DMD: variants seen among roughly 807,000 people sequenced by gnomAD.
DMD encodes mutant dystrophin.
DMD carries 63 observed loss-of-function variants against 330.1 expected under a neutral mutation model. The observed-to-expected ratio is 0.19, with a 90% CI of 0.16 to 0.24. The LOEUF is 0.24. Ranked by LOEUF, DMD falls within the 10% of genes least tolerant of loss-of-function variation. The pLI, the probability that DMD is intolerant of heterozygous loss-of-function variation, is 1.00. For synonymous variants in DMD, 1,223 were observed against 959.8 expected (o/e 1.27, Z -5.07); for missense variants, 3,344 against 2,684.1 (o/e 1.25, Z -5.43).
intron 51 of DMD, among the ~76,000 whole-genome samples, chrX:31,763,387 C>G (rs1454946730): frequency 9.0e-6 from 1 of 111,396 alleles, no homozygotes; most frequent in Non-Finnish European, 1.9e-5. Context: ...CATAGTGAAA[C>G]CCCATCTCTA....
At chrX:33,067,025 G>A (rs998169864) in intron 1 of DMD, among the ~76,000 whole-genome samples, 3 of 111,923 alleles carry the variant, frequency 2.7e-5, no homozygotes, top group African/African-American at 6.5e-5. Context: ...CACCCATAAG[G>A]ACCTTTGTCA....
chrX:31,703,300 A>G (rs2083945591), intron 52 of DMD, among the ~76,000 whole-genome samples: 1 of 112,001 alleles, frequency 8.9e-6, no homozygotes, highest in South Asian at 3.7e-4. Context: ...TGATGCCTAT[A>G]CTCCAGCTTT....
intron 2 of DMD, among the ~76,000 whole-genome samples, chrX:33,011,813 A>C (rs1260001736): frequency 1.8e-5 from 2 of 112,268 alleles, no homozygotes; most frequent in African/African-American, 6.5e-5. Context: ...TTGTTTTGCT[A>C]GAAAGCAAAA....
Position 32,371,709 on chromosome X carries a change from T to C in DMD, c.4846-6510A>G, listed in dbSNP as rs750231819. 3.6e-5 allele frequency among the ~76,000 whole-genome samples: 4 copies of C among 111,237 alleles called. No individual in the cohort carries two copies. In the South Asian group the frequency reaches 1.5e-3, roughly 42 times the overall value. ...TGGTTATGTTTTCGTGATCAATTCA[T>C]ATGCTAAACAATATTGGCCAGTAAT... On this transcript the variant is annotated intron_variant, in intron 34 of 78. Coordinates refer to ENST00000357033, the MANE Select transcript of DMD (RefSeq NM_004006.3).
chrX:32,334,621 G>A (rs2097696397), intron 41 of DMD, among the ~76,000 whole-genome samples: 2 of 111,184 alleles, frequency 1.8e-5, no homozygotes, highest in Non-Finnish European at 3.8e-5. Context: ...TTAAATTTAA[G>A]GAAATCCCAA....
At chrX:32,466,889 T>A (rs1433370094) in intron 23 of DMD, among the ~76,000 whole-genome samples, 3 of 111,462 alleles carry the variant, frequency 2.7e-5, no homozygotes, top group African/African-American at 9.8e-5. Context: ...ACTTTTGACT[T>A]CCAGAACTCT....
chrX:32,497,132 C>T (rs1423566770), intron 19 of DMD, among the ~76,000 whole-genome samples: 1 of 111,667 alleles, frequency 9.0e-6, no homozygotes, highest in African/African-American at 3.3e-5. Flanking sequence ...TGGTTGCCCA[C>T]CTCAAATAAC....
intron 43 of DMD, among the ~76,000 whole-genome samples, chrX:32,236,163 G>A (rs1252641320): frequency 9.0e-6 from 1 of 111,715 alleles, no homozygotes. Context: ...AAATTACAAT[G>A]TGAAAATCAT....
At position 32,542,170 on chromosome X, in the gene DMD, C is replaced by T. The variant is rs753094570; in HGVS notation, c.2168+2989G>A. On this transcript the variant is annotated intron_variant, in intron 17 of 78. Coordinates refer to ENST00000357033, the MANE Select transcript of DMD (RefSeq NM_004006.3). ...AAAAGGCCGGGCATGGTGGCTCATG[C>T]CTGTAATCCCAGCACTTTGGGAGGC... is the stretch of plus-strand genomic sequence containing the variant. Among the ~76,000 whole-genome samples, 8 of 111,615 alleles carry T rather than the reference C, an allele frequency of 7.2e-5. 1 individual carries two copies. The East Asian group carries it at 2.3e-3, about 32-fold the overall frequency.
intron 63 of DMD, among the ~76,000 whole-genome samples, chrX:31,242,679 G>C (rs1239494779): frequency 9.6e-6 from 1 of 104,139 alleles, no homozygotes; most frequent in Non-Finnish European, 2.0e-5. Flanking sequence ...CAGGTAGAAA[G>C]ATAGCAGGCA....
At chrX:31,262,561 G>A (rs2050630255) in intron 62 of DMD, among the ~76,000 whole-genome samples, 2 of 112,378 alleles carry the variant, frequency 1.8e-5, no homozygotes. Context: ...ATGTTCACTT[G>A]TGAAGTGCTG....
At chrX:31,836,884 A>G (rs2093211004) in intron 48 of DMD, 65 bp from the exon 49 acceptor site, 10 of 966,636 alleles carry the variant, frequency 1.0e-5, no homozygotes, top group Middle Eastern at 5.2e-4. Flanking sequence ...ACTAAATTTA[A>G]ATATACCCTT....
At chrX:32,163,908 C>G (rs191424694) in intron 44 of DMD, among the ~76,000 whole-genome samples, 1 of 111,484 alleles carries the variant, frequency 9.0e-6, no homozygotes, top group African/African-American at 3.3e-5. Flanking sequence ...TTCAAAATAA[C>G]AAGTTTGAAA....
intron 1 of DMD, among the ~76,000 whole-genome samples, chrX:33,136,490 T>C (rs769630366): frequency 1.1e-4 from 12 of 107,839 alleles, no homozygotes; most frequent in African/African-American, 4.1e-4. Flanking sequence ...ATTAGTGCTA[T>C]GGGTTGAATA....
intron 55 of DMD, among the ~76,000 whole-genome samples, chrX:31,519,049 C>CGGAA (rs2072512149): frequency 9.0e-6 from 1 of 111,629 alleles, no homozygotes; most frequent in Non-Finnish European, 1.9e-5. Flanking sequence ...AATAATTTTC[C>CGGAA]AATTAGGTAT....
intron 2 of DMD, among the ~76,000 whole-genome samples, chrX:32,957,918 G>A (rs1287815358): frequency 1.9e-4 from 21 of 112,055 alleles, no homozygotes. Flanking sequence ...AGAGAAGCCT[G>A]ATCATCAGAA....
chrX:31,422,564 A>C (rs767891411), intron 60 of DMD, among the ~76,000 whole-genome samples: 2 of 112,012 alleles, frequency 1.8e-5, no homozygotes, highest in South Asian at 7.5e-4. Flanking sequence ...GCAATGGTTA[A>C]ATTGTAAAAT....
intron 7 of DMD, among the ~76,000 whole-genome samples, chrX:32,700,312 C>T (rs988198457): frequency 9.0e-6 from 1 of 110,783 alleles, no homozygotes; most frequent in African/African-American, 3.3e-5. Flanking sequence ...ATAAGCCAGG[C>T]ACAGAAAGAT....
intron 47 of DMD, among the ~76,000 whole-genome samples, chrX:31,887,929 G>A (rs1270918833): frequency 8.9e-6 from 1 of 112,253 alleles, no homozygotes; most frequent in African/African-American, 3.2e-5. Context: ...ACAGAAAAGA[G>A]AAGGTAAATC....
Sources: gnomAD v4.1 joint callset for allele counts (sites outside exome capture counted in the v4.1 genomes callset) on GRCh38, gnomAD v4.1.1 for gene constraint, MANE v1.5 for transcripts, NCBI Gene and HGNC (gene_info 2026-07-23, HGNC 2026-07-21) for gene names.